The following POU2F1 variants were observed in gnomAD, a reference collection of about 807,000 sequenced individuals.
The protein encoded by POU2F1 is POU domain, class 2, transcription factor 1.
POU2F1 carries 16 observed loss-of-function variants against 84.9 expected under a neutral mutation model. That is an observed-to-expected ratio of 0.19 (90% confidence interval 0.13 to 0.29). The LOEUF is 0.29. Among genes scored for constraint, POU2F1 ranks in the 10% least tolerant of loss-of-function variants. The probability of loss-of-function intolerance (pLI) is 1.00; values close to 1 mark genes in which losing one functional copy is unlikely to be tolerated. For missense variants in POU2F1, 738 were observed against 942.6 expected (o/e 0.78, Z 2.84); for synonymous variants, 368 against 368.3 (o/e 1.00, Z 0.01).
At chr1:167,333,031 A>G (rs1391689921) in intron 2 of POU2F1, among the ~76,000 whole-genome samples, 1 of 152,236 alleles carries the variant, frequency 6.6e-6, no homozygotes, top group Non-Finnish European at 1.5e-5. Context: ...AGTAAATTTT[A>G]TCTGCCCTAC....
chr1:167,271,779 G>A (rs1164301189), intron 1 of POU2F1, among the ~76,000 whole-genome samples: 1 of 152,070 alleles, frequency 6.6e-6, no homozygotes, highest in African/African-American at 2.4e-5. Flanking sequence ...CACAAACATT[G>A]GAAATAATGT....
intron 2 of POU2F1, among the ~76,000 whole-genome samples, chr1:167,362,324 T>G (rs1459780651): frequency 6.6e-6 from 1 of 152,208 alleles, no homozygotes; most frequent in Non-Finnish European, 1.5e-5. Context: ...AATACTGTTT[T>G]GTATTCTGTT....
At position 167,425,045 on chromosome 1, in the gene POU2F1, T is replaced by TTAG. The variant is rs3070392; in HGVS notation, c.*9237_*9238insGTA. 14 of 150,912 alleles carry TTAG rather than the reference T, an allele frequency of 9.3e-5. No individual in the cohort carries two copies. In the East Asian group the frequency reaches 2.5e-3, roughly 27 times the overall value. The allele number at this position is 150,912 out of a possible 1,614,324, so 9.3% of individuals were successfully genotyped here. On this transcript the variant is annotated 3_prime_UTR_variant, in exon 16 of 16. Transcript: ENST00000367866. Reference sequence around the variant, plus strand: ...AAAAATATCCAAATATTTAAGTTTATTATTATTATTATTATTATTTGACAA... The same window carrying TTAG: ...AAAAATATCCAAATATTTAAGTTTATTAGTATTATTATTATTATTATTTGACAA...
chr1:167,352,458 A>G (rs1288433745), intron 2 of POU2F1, among the ~76,000 whole-genome samples: 1 of 152,172 alleles, frequency 6.6e-6, no homozygotes, highest in African/African-American at 2.4e-5. Context: ...AATATTTGTG[A>G]ATGAGCATTG....
chr1:167,312,398 T>A (rs1470121092), intron 1 of POU2F1, among the ~76,000 whole-genome samples: 1 of 152,046 alleles, frequency 6.6e-6, no homozygotes, highest in Admixed American at 6.6e-5. Context: ...AATTTTTGTA[T>A]TTTTAGTAGA....
At chr1:167,364,583 T>G (rs1412674162) in intron 2 of POU2F1, among the ~76,000 whole-genome samples, 2 of 142,460 alleles carry the variant, frequency 1.4e-5, no homozygotes, top group Admixed American at 6.9e-5. Flanking sequence ...CTTTCTTTCT[T>G]TTTTTTTTTT....
chr1:167,336,383 G>A (rs1171015100), intron 2 of POU2F1, among the ~76,000 whole-genome samples: 5 of 152,198 alleles, frequency 3.3e-5, no homozygotes, highest in Non-Finnish European at 7.3e-5. Flanking sequence ...AGTAAATTGT[G>A]TATTGCAGTA....
intron 1 of POU2F1, among the ~76,000 whole-genome samples, chr1:167,310,544 AG>A (rs1450175127): frequency 6.6e-6 from 1 of 152,122 alleles, no homozygotes; most frequent in East Asian, 1.9e-4. Flanking sequence ...CAAAAAAAGG[AG>A]GGAGGTAGAT....
chr1:167,332,319 AGTAT>A (rs1308534696), intron 1 of POU2F1, 147 bp from the exon 2 acceptor site: 1 of 457,284 alleles, frequency 2.2e-6, no homozygotes, highest in Non-Finnish European at 3.9e-6. Flanking sequence ...TATAATTTCT[AGTAT>A]TTTAGCCAGA....
chr1:167,268,264 A>G (rs921267787), intron 1 of POU2F1, among the ~76,000 whole-genome samples: 14 of 152,264 alleles, frequency 9.2e-5, no homozygotes, highest in Admixed American at 7.8e-4. Flanking sequence ...AATTTCTGGG[A>G]AAATTAAATT....
chr1:167,254,863 A>G (rs1651014558), intron 1 of POU2F1, among the ~76,000 whole-genome samples: 1 of 152,204 alleles, frequency 6.6e-6, no homozygotes, highest in African/African-American at 2.4e-5. Flanking sequence ...ATTAATAGCA[A>G]TATGTAAGAC....
At chr1:167,277,166 G>C (rs939678302) in intron 1 of POU2F1, among the ~76,000 whole-genome samples, 1 of 152,020 alleles carries the variant, frequency 6.6e-6, no homozygotes, top group African/African-American at 2.4e-5. Context: ...CTGTGAGGTC[G>C]TGCTTTCTCG....
intron 2 of POU2F1, among the ~76,000 whole-genome samples, chr1:167,339,255 T>C (rs1045039549): frequency 2.6e-5 from 4 of 152,156 alleles, no homozygotes; most frequent in Non-Finnish European, 4.4e-5. Context: ...TTTAAACACT[T>C]ACTATCCTGA....
chr1:167,378,592 G>A (rs1189993945), intron 7 of POU2F1, among the ~76,000 whole-genome samples: 1 of 151,804 alleles, frequency 6.6e-6, no homozygotes, highest in Non-Finnish European at 1.5e-5. Context: ...TTTTAGTAGA[G>A]ATGAGGTTTC....
At chr1:167,255,038 AGGAGATTCT>A (rs1651027081) in intron 1 of POU2F1, among the ~76,000 whole-genome samples, 1 of 152,176 alleles carries the variant, frequency 6.6e-6, no homozygotes, top group Non-Finnish European at 1.5e-5. Context: ...CCCCAAATCT[AGGAGATTCT>A]TGTTTGGTAT....
chr1:167,271,819 A>C lies in POU2F1; in HGVS notation c.61+50861A>C, dbSNP rs551139705. Reference sequence around the variant, plus strand: ...ATAGGCAAACAATGGTCCTCAGGTCAAATTCGTGTTTTCTGTTTTTGTATG... The same window carrying C: ...ATAGGCAAACAATGGTCCTCAGGTCCAATTCGTGTTTTCTGTTTTTGTATG... On this transcript the variant is annotated intron_variant, in intron 1 of 15. Transcript: ENST00000367866. 3.9e-5 allele frequency among the ~76,000 whole-genome samples: 6 copies of C among 152,332 alleles called. No homozygotes were observed. In the South Asian group the frequency reaches 1.2e-3, roughly 32 times the overall value.
At chr1:167,363,091 A>G (rs988232873) in intron 2 of POU2F1, among the ~76,000 whole-genome samples, 2 of 152,194 alleles carry the variant, frequency 1.3e-5, no homozygotes, top group South Asian at 4.1e-4. Flanking sequence ...TACTATTACC[A>G]GTAGACCATT....
chr1:167,341,034 T>C (rs1473586162), intron 2 of POU2F1, among the ~76,000 whole-genome samples: 5 of 152,170 alleles, frequency 3.3e-5, no homozygotes, highest in African/African-American at 1.2e-4. Flanking sequence ...ATGTTCAGCA[T>C]GAAGAAACAG....
chr1:167,365,805 G>A (rs1477073959), intron 3 of POU2F1, among the ~76,000 whole-genome samples: 1 of 152,232 alleles, frequency 6.6e-6, no homozygotes, highest in Non-Finnish European at 1.5e-5. Context: ...AATGGAATGT[G>A]TATAACAACT....
Sources: allele counts gnomAD v4.1 joint callset (sites outside exome capture counted in the v4.1 genomes callset), GRCh38; gene constraint gnomAD v4.1.1; transcripts MANE v1.5; gene names NCBI Gene and HGNC (gene_info 2026-07-23, HGNC 2026-07-21).